The following COL3A1 variants were observed in gnomAD, a reference collection of about 807,000 sequenced individuals.
The protein encoded by COL3A1 is collagen type III alpha 1 chain.
Under a neutral mutation model 200.9 loss-of-function variants are expected in COL3A1, and 46 were observed. That is an observed-to-expected ratio of 0.23 (90% CI 0.18 to 0.29). COL3A1 has a LOEUF of 0.29. Among genes scored for constraint, COL3A1 ranks in the 10% least tolerant of loss-of-function variants. The pLI is 1.00. For synonymous variants in COL3A1, 650 were observed against 628.0 expected (o/e 1.03, Z -0.52); for missense variants, 1,367 against 1,917.6 (o/e 0.71, Z 5.36).
intron 50 of COL3A1, among the ~76,000 whole-genome samples, chr2:189,011,354 C>T (rs569875456): frequency 9.8e-5 from 15 of 152,310 alleles, no homozygotes; most frequent in Non-Finnish European, 2.1e-4. Flanking sequence ...AACCTGTTAG[C>T]AATGGCCGGA....
chr2:188,994,789 A>G lies in COL3A1; in HGVS notation c.1413A>G (p.Gly471=). The G allele has an allele frequency of 2.5e-6, 4 of 1,613,878 alleles. No individual in the cohort carries two copies. The highest frequency in any genetic ancestry group is 3.4e-6 in the Non-Finnish European group (4 of 1,179,982). Residue 471 remains glycine (G), a synonymous_variant, in exon 20 of 51, where the codon GGA becomes GGG. Coordinates refer to ENST00000304636, the MANE Select transcript of COL3A1 (RefSeq NM_000090.4). This position sits in a 1 kb window ranked among gnomAD's most constrained non-coding sequence, Gnocchi z 4.5. ...AAGATGGCAAGGATGGATCACCTGGAGAACCTGGTGCAAATGGGCTTCCAG... is the reference window on the plus strand; with the variant it reads ...AAGATGGCAAGGATGGATCACCTGGGGAACCTGGTGCAAATGGGCTTCCAG... ...KGEDGKDGSP[G]EPGANGLPGA...
Position 189,010,484 on chromosome 2 carries a change from A to G in COL3A1, c.4011+119A>G, listed in dbSNP as rs1304736737. The G allele has an allele frequency of 4.7e-6, 7 of 1,480,906 alleles. No individual in the cohort carries two copies. The South Asian group carries it at 7.0e-5, about 15-fold the overall frequency. 91.7% of individuals were successfully genotyped at this position (1,480,906 alleles called of 1,614,324 possible). ...TACAAACATAATTGCAGTTTTTGCT[A>G]CTGAAAGTGATGGCATGCAATAAAA... On this transcript the variant is annotated intron_variant, in intron 49 of 50. Coordinates refer to ENST00000304636, the MANE Select transcript of COL3A1 (RefSeq NM_000090.4).
Position 188,999,353 on chromosome 2 carries a change from A to G in COL3A1, c.2091A>G (p.Gly697=), listed in dbSNP as rs746027480. The change falls in exon 30 of 51, where the codon GGA becomes GGG. Residue 697 remains glycine, a synonymous_variant. Transcript: ENST00000304636. The stretch of plus-strand genomic sequence containing the variant: ...CAGGGGCCCCAGGACTTAGAGGTGG[A>G]GCTGGTCCCCCTGGTCCCGAAGGAG... ...GLAGAPGLRG[G]AGPPGPEGGK... is the part of the protein sequence containing the mutation. The G allele has an allele frequency of 6.2e-7, 1 of 1,600,206 alleles. No individual in the cohort carries two copies. The highest frequency in any genetic ancestry group is 8.5e-7 in the Non-Finnish European group (1 of 1,173,064).
chr2:188,984,025 A>C (rs1167122895), intron 1 of COL3A1, among the ~76,000 whole-genome samples: 2 of 152,018 alleles, frequency 1.3e-5, no homozygotes, highest in Non-Finnish European at 2.9e-5. Context: ...ATTTTAAGCC[A>C]CAAATACAGA....
intron 1 of COL3A1, among the ~76,000 whole-genome samples, chr2:188,976,572 T>C (rs1687822001): frequency 6.6e-6 from 1 of 152,132 alleles, no homozygotes; most frequent in South Asian, 2.1e-4. Flanking sequence ...ACAGGAGGTA[T>C]CTGAATATAC....
At position 188,990,991 on chromosome 2, in the gene COL3A1, A is replaced by G. The variant is rs747869658; in HGVS notation, c.799-13A>G. On this transcript the variant is annotated splice_polypyrimidine_tract_variant and intron_variant, in intron 10 of 50. Transcript: ENST00000304636. The stretch of plus-strand genomic sequence containing the variant: ...AGATTTTAATAATTTTGCTGGTTTT[A>G]TACATTTCCTAGGGCTTCGATGGAC... 2 of 1,612,374 alleles carry G rather than the reference A, an allele frequency of 1.2e-6. No individual in the cohort carries two copies. Among genetic ancestry groups the G allele is most frequent in the South Asian group, 1.1e-5 (1 of 90,996 alleles).
At chr2:189,002,904 T>G (rs2153503364) in intron 35 of COL3A1, 51 bp from the exon 36 acceptor site, 1 of 1,272,390 alleles carries the variant, frequency 7.9e-7, no homozygotes. Flanking sequence ...AATAAGCCAA[T>G]TGTATCATAA....
chr2:188,988,760 T>C, intron 7 of COL3A1, 117 bp downstream of exon 7: 1 of 710,740 alleles, frequency 1.4e-6, no homozygotes, highest in South Asian at 1.8e-5. Context: ...CCCTTAAGTT[T>C]GTAAATAACG....
At chr2:189,006,831 A>T (rs1186833685) in intron 43 of COL3A1, 106 bp from the exon 44 acceptor site, 3 of 1,143,368 alleles carry the variant, frequency 2.6e-6, no homozygotes, top group Non-Finnish European at 1.3e-6. Flanking sequence ...TTGCATGCAT[A>T]CTATAATTCT....
intron 32 of COL3A1, among the ~76,000 whole-genome samples, chr2:189,000,327 C>T (rs1342774814): frequency 1.3e-5 from 2 of 152,154 alleles, no homozygotes; most frequent in African/African-American, 4.8e-5. Flanking sequence ...GCAAATTATA[C>T]AAACCTCAAG....
intron 16 of COL3A1, 65 bp downstream of exon 16, chr2:188,993,524 A>G (rs1357979861): frequency 3.0e-6 from 4 of 1,324,450 alleles, no homozygotes; most frequent in Non-Finnish European, 1.1e-6. Flanking sequence ...GCATAGTTTC[A>G]TGCTTACTCC....
At chr2:188,995,976 T>G (rs1559056986) in intron 22 of COL3A1, 149 bp from the exon 23 acceptor site, 4 of 897,160 alleles carry the variant, frequency 4.5e-6, no homozygotes, top group Non-Finnish European at 7.0e-6. Context: ...ATAGAACACT[T>G]GCCTTAGATA....
At chr2:188,993,904 T>C in intron 16 of COL3A1, 134 bp from the exon 17 acceptor site, 1 of 797,658 alleles carries the variant, frequency 1.3e-6, no homozygotes, top group Non-Finnish European at 2.1e-6. Context: ...TATGTTGTGT[T>C]ATAGTTGGAG....
chr2:188,976,073 T>A (rs1404860124), intron 1 of COL3A1, among the ~76,000 whole-genome samples: 3 of 151,950 alleles, frequency 2.0e-5, no homozygotes, highest in Non-Finnish European at 2.9e-5. Context: ...TCCTCTCCCC[T>A]TTTCCTCCCT....
intron 40 of COL3A1, 81 bp downstream of exon 40, chr2:189,004,445 G>C: frequency 7.5e-7 from 1 of 1,329,276 alleles, no homozygotes; most frequent in Non-Finnish European, 1.0e-6. Flanking sequence ...AGGATGAAAA[G>C]TTTTTCTGTC....
intron 21 of COL3A1, 65 bp from the exon 22 acceptor site, chr2:188,995,627 A>G (rs1157524125): frequency 8.0e-6 from 9 of 1,130,488 alleles, no homozygotes; most frequent in Non-Finnish European, 1.0e-5. Flanking sequence ...TGTAACCAAA[A>G]TATTGTTGCT....
chr2:188,990,122 T>C lies in COL3A1; in HGVS notation c.717T>C (p.Pro239=). ...KDGESGRPGR[P]GERGLPGPPG... ...GAGAATCAGGTAGACCCGGACGACC[T>C]GGAGAGCGAGGATTGCCTGGACCTC... The change falls in exon 9 of 51, where the codon CCT becomes CCC. Residue 239 remains proline, a synonymous_variant. Transcript: ENST00000304636. The C allele has an allele frequency of 6.2e-7, 1 of 1,613,730 alleles. No homozygotes were observed. The highest frequency in any genetic ancestry group is 8.5e-7 in the Non-Finnish European group (1 of 1,179,738).
intron 32 of COL3A1, among the ~76,000 whole-genome samples, chr2:189,000,249 A>G (rs893072688): frequency 1.3e-5 from 2 of 152,218 alleles, no homozygotes; most frequent in Non-Finnish European, 2.9e-5. Context: ...TCATTAATAG[A>G]CTTAATATTT....
At chr2:189,011,080 C>T (rs1688714530) in intron 50 of COL3A1, among the ~76,000 whole-genome samples, 190 bp downstream of exon 50, 1 of 152,110 alleles carries the variant, frequency 6.6e-6, no homozygotes, top group African/African-American at 2.4e-5. Flanking sequence ...ATCTTAGCCT[C>T]CAGATGAAAA....
Sources: allele counts gnomAD v4.1 joint callset (sites outside exome capture counted in the v4.1 genomes callset), GRCh38; gene constraint gnomAD v4.1.1; non-coding constraint Gnocchi (gnomAD v3.1); transcripts MANE v1.5; gene names NCBI Gene and HGNC (gene_info 2026-07-23, HGNC 2026-07-21).